TRAPPC8: variants seen among roughly 807,000 people sequenced by gnomAD.
TRAPPC8 encodes the protein trafficking protein particle complex subunit 8.
In TRAPPC8, 54 loss-of-function variants were observed where a neutral mutation model predicts 174.3. The observed-to-expected ratio is 0.31, with a 90% CI of 0.25 to 0.39. TRAPPC8 has a LOEUF of 0.39. TRAPPC8 is among the 10% of genes least tolerant of loss of function. TRAPPC8 has a pLI of 1.00. For synonymous variants in TRAPPC8, 630 were observed against 579.9 expected, an observed-to-expected ratio of 1.09 and a Z score of -1.24; for missense variants, 1,531 against 1,699.1, an observed-to-expected ratio of 0.90 and a Z score of 1.74.
chr18:31,878,041 C>G (rs568416671), intron 12 of TRAPPC8, among the ~76,000 whole-genome samples: 4 of 152,180 alleles, frequency 2.6e-5, no homozygotes, highest in Admixed American at 2.6e-4. Context: ...AGCTGCAAAG[C>G]TGTTTACTCT....
At chr18:31,840,350 C>G (rs1299431265) in intron 26 of TRAPPC8, among the ~76,000 whole-genome samples, 1 of 142,594 alleles carries the variant, frequency 7.0e-6, no homozygotes, top group East Asian at 2.4e-4. Context: ...GAATGTGGCT[C>G]TGCCTCAAAA....
intron 12 of TRAPPC8, among the ~76,000 whole-genome samples, chr18:31,878,481 A>G (rs1440455796): frequency 1.3e-5 from 2 of 152,218 alleles, no homozygotes; most frequent in African/African-American, 2.4e-5. Flanking sequence ...CCACCCGACC[A>G]GCTCTACAAG....
intron 12 of TRAPPC8, among the ~76,000 whole-genome samples, chr18:31,881,715 A>C (rs532280144): frequency 6.6e-6 from 1 of 152,220 alleles, no homozygotes; most frequent in South Asian, 2.1e-4. Context: ...AACGTCCAAA[A>C]TCTGAGAAAA....
intron 4 of TRAPPC8, among the ~76,000 whole-genome samples, chr18:31,915,477 G>C (rs1254913639): frequency 7.6e-6 from 1 of 131,142 alleles, no homozygotes; most frequent in Admixed American, 7.3e-5. Context: ...AAAGGGGGGG[G>C]GGGCGCAGGC....
Position 31,878,711 on chromosome 18 carries a change from T to C in TRAPPC8, c.1729-4007A>G, listed in dbSNP as rs144456582. 6.2e-3 allele frequency among the ~76,000 whole-genome samples: 938 copies of C among 152,296 alleles called. 12 individuals carry two copies. The highest frequency in any genetic ancestry group is 0.022 in the African/African-American group (899 of 41,556). The stretch of plus-strand genomic sequence containing the variant: ...CTACTCAAAAGACAAGATCCAAGCA[T>C]ATGCTATCTACAAGAGACCTATCTT... On this transcript the variant is annotated intron_variant, in intron 12 of 28. Coordinates refer to ENST00000283351, the MANE Select transcript of TRAPPC8 (RefSeq NM_014939.5).
intron 11 of TRAPPC8, among the ~76,000 whole-genome samples, chr18:31,893,412 C>T (rs957592908): frequency 6.0e-5 from 9 of 150,420 alleles, no homozygotes; most frequent in East Asian, 3.9e-4. Flanking sequence ...TGCGCGCGCG[C>T]GTGTGCCTGT....
intron 4 of TRAPPC8, among the ~76,000 whole-genome samples, chr18:31,915,432 C>T (rs372743125): frequency 5.1e-5 from 7 of 136,578 alleles, no homozygotes; most frequent in African/African-American, 1.7e-4. Context: ...CACTGCACTA[C>T]AGCCTAGGTG....
intron 2 of TRAPPC8, among the ~76,000 whole-genome samples, chr18:31,926,102 AT>A (rs2037603457): frequency 6.6e-6 from 1 of 152,018 alleles, no homozygotes; most frequent in African/African-American, 2.4e-5. Flanking sequence ...ATTGAACACC[AT>A]TTCCCAGCTT....
intron 12 of TRAPPC8, among the ~76,000 whole-genome samples, chr18:31,888,696 T>C (rs1329049409): frequency 6.6e-6 from 1 of 152,192 alleles, no homozygotes. Flanking sequence ...ATGTTCTCAC[T>C]TGTAAGTGGG....
At chr18:31,937,982 C>T (rs988749746) in intron 1 of TRAPPC8, among the ~76,000 whole-genome samples, 4 of 152,024 alleles carry the variant, frequency 2.6e-5, no homozygotes, top group African/African-American at 9.7e-5. Flanking sequence ...GATTACAGGC[C>T]TAAGACACTG....
intron 27 of TRAPPC8, among the ~76,000 whole-genome samples, chr18:31,834,113 G>GTTT (rs1555652354): frequency 2.8e-5 from 4 of 142,672 alleles, no homozygotes; most frequent in African/African-American, 7.5e-5. Context: ...TGTTGTTGTT[G>GTTT]TTTTTTATTC....
chr18:31,853,787 A>T, intron 22 of TRAPPC8, 62 bp downstream of exon 22: 1 of 1,246,152 alleles, frequency 8.0e-7, no homozygotes, highest in Non-Finnish European at 1.1e-6. Context: ...TTCTGGTACT[A>T]TTCTGGAAAA....
intron 11 of TRAPPC8, chr18:31,895,875 T>C (rs1299876662): frequency 6.6e-6 from 1 of 152,224 alleles, no homozygotes; most frequent in Non-Finnish European, 1.5e-5. Flanking sequence ...TTATTAAACA[T>C]TTTAAATATC....
intron 2 of TRAPPC8, among the ~76,000 whole-genome samples, chr18:31,924,540 C>G (rs1346418472): frequency 6.6e-6 from 1 of 150,902 alleles, no homozygotes; most frequent in African/African-American, 2.4e-5. Context: ...GCAGGTGGAT[C>G]ACTTGAGTCC....
At chr18:31,847,331 TTATC>T (rs1407433198) in intron 25 of TRAPPC8, among the ~76,000 whole-genome samples, 1 of 152,324 alleles carries the variant, frequency 6.6e-6, no homozygotes, top group East Asian at 1.9e-4. Context: ...TGAGCTGACT[TTATC>T]TATATTATAA....
chr18:31,901,419 T>C (rs1408211796), intron 9 of TRAPPC8, among the ~76,000 whole-genome samples: 1 of 152,170 alleles, frequency 6.6e-6, no homozygotes, highest in Non-Finnish European at 1.5e-5. Context: ...CTCAGAGAAA[T>C]CATGAGAGTA....
intron 21 of TRAPPC8, 50 bp from the exon 22 acceptor site, chr18:31,853,995 A>G (rs772066210): frequency 7.2e-7 from 1 of 1,389,718 alleles, no homozygotes; most frequent in East Asian, 2.3e-5. Flanking sequence ...GCACTAAATC[A>G]GAATGTTCCG....
At chr18:31,912,417 G>C (rs778266845) in intron 5 of TRAPPC8, among the ~76,000 whole-genome samples, 1 of 152,072 alleles carries the variant, frequency 6.6e-6, no homozygotes, top group Admixed American at 6.5e-5. Context: ...CTTGAACATG[G>C]GAAGTGGAGG....
chr18:31,837,377 G>A (rs1249164571), intron 27 of TRAPPC8, among the ~76,000 whole-genome samples: 3 of 152,034 alleles, frequency 2.0e-5, no homozygotes, highest in South Asian at 2.1e-4. Context: ...AATATTCACA[G>A]CAGAATTCAA....
Sources: allele counts gnomAD v4.1 joint callset (sites outside exome capture counted in the v4.1 genomes callset), GRCh38; gene constraint gnomAD v4.1.1; transcripts MANE v1.5; gene names NCBI Gene and HGNC (gene_info 2026-07-23, HGNC 2026-07-21).